The following PACRGL variants were observed in gnomAD, a reference collection of about 807,000 sequenced individuals.
PACRGL encodes parkin coregulated like.
Under a neutral mutation model 34.5 loss-of-function variants are expected in PACRGL, and 38 were observed. The observed-to-expected ratio is 1.10, with a 90% CI of 0.85 to 1.44. The LOEUF is 1.44. Ranked by LOEUF, PACRGL falls within the 40% of genes most tolerant of loss-of-function variation. The pLI, the probability that PACRGL is intolerant of heterozygous loss-of-function variation, is 0.00. For synonymous variants in PACRGL, 128 were observed against 100.1 expected (o/e 1.28, Z -1.66); for missense variants, 305 against 281.4 (o/e 1.08, Z -0.60).
chr4:20,707,986 G>A lies in PACRGL; in HGVS notation c.275+116G>A, dbSNP rs1015989597. 25 of 801,136 alleles carry A rather than the reference G, an allele frequency of 3.1e-5. No individual in the cohort carries two copies. The African/African-American group carries it at 4.2e-4, about 13-fold the overall frequency. The allele number at this position is 801,136 out of a possible 1,614,324, so 49.6% of individuals were successfully genotyped here. A position where few individuals can be genotyped will look rare whatever the true frequency, so the allele number is the denominator to read the frequency against. Reference sequence around the variant, plus strand: ...TATTTACTAGTGAGGTTGAAATAAAGATGACTTTATTCACACTTTCTTTTG... The same window carrying A: ...TATTTACTAGTGAGGTTGAAATAAAAATGACTTTATTCACACTTTCTTTTG... On this transcript the variant is annotated intron_variant, in intron 4 of 8. Coordinates refer to ENST00000503585, the MANE Select transcript of PACRGL (RefSeq NM_001258345.3).
rs1737968418 is a variant in PACRGL, at chr4:20,712,860, G to A, written c.439G>A (p.Gly147Ser). 1 of 1,605,578 alleles carries A rather than the reference G, an allele frequency of 6.2e-7. No homozygotes were observed. The highest frequency in any genetic ancestry group is 8.5e-7 in the Non-Finnish European group (1 of 1,174,870). Reference protein sequence around the residue: ...EGFRELLLVKGAPEKAIPLLP... With the variant: ...EGFRELLLVKSAPEKAIPLLP... ...TTTTAGAGAATTACTTTTGGTCAAA[G>A]GTGCTCCTGAAAAAGCTATTCCTTT... The change falls in exon 6 of 9, where the codon GGT (glycine) becomes AGT (serine). Residue 147 changes from glycine (G) to serine (S), a missense_variant. Physicochemically the swap from Gly to Ser is moderately conservative, Grantham distance 56. Transcript: ENST00000503585.
At chr4:20,733,640 G>A (rs1293183260), downstream of PACRGL, among the ~76,000 whole-genome samples, 3 of 152,102 alleles carry the variant, frequency 2.0e-5, no homozygotes, top group Non-Finnish European at 4.4e-5. Flanking sequence ...TAAACACAGA[G>A]GTAAGAATTG....
rs1306189845 is a variant in PACRGL, at chr4:20,728,379, A to ATGTT, written c.*1040_*1043dup. The ATGTT allele has an allele frequency of 1.3e-5, 2 of 151,514 alleles. No homozygotes were observed. Among genetic ancestry groups the ATGTT allele is most frequent in the African/African-American group, 2.4e-5 (1 of 41,114 alleles). The allele number at this position is 151,514 out of a possible 1,614,324, so 9.4% of individuals were successfully genotyped here. On this transcript the variant is annotated 3_prime_UTR_variant, in exon 9 of 9. Coordinates refer to ENST00000503585, the MANE Select transcript of PACRGL (RefSeq NM_001258345.3). ...TGCATTCATTGATTTTGTTGTGCTT[A>ATGTT]TGTTTAGCAATTTTTAAGAAGCTTT...
intron 7 of PACRGL, chr4:20,718,876 C>A (rs758271977): frequency 1.3e-5 from 2 of 152,206 alleles, no homozygotes; most frequent in Non-Finnish European, 1.5e-5. Flanking sequence ...CCCTCTTTTT[C>A]TATTGATTGG....
At position 20,732,142 on chromosome 4, in the gene PACRGL, A is replaced by G. The variant is rs1578411124; in HGVS notation, c.*4801A>G. ...CCTCACACCTGGACCAAATGAGCTG[A>G]AGCTGATAAAAAGAAAACCTAGCTG... On this transcript the variant is annotated 3_prime_UTR_variant, in exon 9 of 9. Coordinates refer to ENST00000503585, the MANE Select transcript of PACRGL (RefSeq NM_001258345.3). 4 of 1,009,166 alleles carry G rather than the reference A, an allele frequency of 4.0e-6. No individual in the cohort carries two copies. The highest frequency in any genetic ancestry group is 4.8e-5 in the East Asian group (2 of 41,318). The allele number at this position is 1,009,166 out of a possible 1,614,324, so 62.5% of individuals were successfully genotyped here. A position where few individuals can be genotyped will look rare whatever the true frequency, so the allele number is the denominator to read the frequency against.
At chr4:20,747,777 G>GT (rs1752680587) in intron 8 of PACRGL, among the ~76,000 whole-genome samples, 1 of 152,140 alleles carries the variant, frequency 6.6e-6, no homozygotes, top group Non-Finnish European at 1.5e-5. Flanking sequence ...TGGAGTATGT[G>GT]TGAGGAGGCT....
chr4:20,700,369 A>T (rs1220405711), upstream of PACRGL: 1 of 151,872 alleles, frequency 6.6e-6, no homozygotes, highest in Non-Finnish European at 1.5e-5. Context: ...CGCCTCCGCG[A>T]CCTCTTACCA....
chr4:20,724,914 C>T lies in PACRGL; in HGVS notation c.690+26C>T, dbSNP rs754812043. ...GTAAGTAGAATATTATTCCTTAAGT[C>T]TTTTTTTTTAACTTTTAGGTGTATT... On this transcript the variant is annotated intron_variant, in intron 8 of 8. Coordinates refer to ENST00000503585, the MANE Select transcript of PACRGL (RefSeq NM_001258345.3). 19 of 1,222,974 alleles carry T rather than the reference C, an allele frequency of 1.6e-5. No individual in the cohort carries two copies. The South Asian group carries it at 2.2e-4, about 14-fold the overall frequency. The allele number at this position is 1,222,974 out of a possible 1,614,324, so 75.8% of individuals were successfully genotyped here.
At chr4:20,759,320 G>A in the PACRGL span, among the ~76,000 whole-genome samples, 3 of 152,104 alleles carry the variant, frequency 2.0e-5, no homozygotes, top group Non-Finnish European at 4.4e-5. Context: ...TTACTCTATT[G>A]GCATCTCTAG....
downstream of PACRGL, among the ~76,000 whole-genome samples, chr4:20,755,696 A>G (rs1036457709): frequency 6.6e-6 from 1 of 152,200 alleles, no homozygotes; most frequent in African/African-American, 2.4e-5. Context: ...GTTGCAATTT[A>G]AGATAGAGTG....
chr4:20,763,005 A>G, the PACRGL span, among the ~76,000 whole-genome samples: 1 of 152,266 alleles, frequency 6.6e-6, no homozygotes, highest in East Asian at 1.9e-4. Flanking sequence ...TAAAACCATC[A>G]TAACTCATGA....
chr4:20,703,530 T>C (rs945880125), intron 1 of PACRGL, among the ~76,000 whole-genome samples: 11 of 147,246 alleles, frequency 7.5e-5, no homozygotes, highest in African/African-American at 2.9e-4. Context: ...GTGTATTTCT[T>C]GCTAGAGATA....
upstream of PACRGL, chr4:20,700,286 G>C (rs1214097662): frequency 6.6e-6 from 1 of 152,264 alleles, no homozygotes; most frequent in African/African-American, 2.4e-5. Context: ...TGTCGCCAGA[G>C]ACAGCGCCTG....
Position 20,700,506 on chromosome 4 carries a change from G to A in PACRGL, c.-298G>A, listed in dbSNP as rs1028159724. 6.6e-6 allele frequency: 1 copy of A among 152,180 alleles called. No homozygotes were observed. The highest frequency in any genetic ancestry group is 1.5e-5 in the Non-Finnish European group (1 of 68,072). The allele number at this position is 152,180 out of a possible 1,614,324, so 9.4% of individuals were successfully genotyped here. ...GTGGCGGTAGCCGCGGTTGTTGGCC[G>A]ACCGAGTGCCGGTCATAAGCCCCCC... On this transcript the variant is annotated 5_prime_UTR_variant, in exon 1 of 9. Coordinates refer to ENST00000503585, the MANE Select transcript of PACRGL (RefSeq NM_001258345.3).
At chr4:20,737,157 G>C (rs1417117063), downstream of PACRGL, among the ~76,000 whole-genome samples, 1 of 152,166 alleles carries the variant, frequency 6.6e-6, no homozygotes, top group Non-Finnish European at 1.5e-5. Context: ...AGAAAAACAA[G>C]ATTCCAGAGA....
rs548171843 is a variant in PACRGL, at chr4:20,713,540, G to C, written c.609+1G>C. On this transcript the variant is annotated splice_donor_variant, in intron 7 of 8. Transcript: ENST00000503585. LOFTEE classifies it high-confidence loss of function. Reference sequence around the variant, plus strand: ...CCATCTGAAGCATCTGCTTACAAGCGTAAGTACTGCAAAGATTAGATAATG... The same window carrying C: ...CCATCTGAAGCATCTGCTTACAAGCCTAAGTACTGCAAAGATTAGATAATG... 4 of 1,597,030 alleles carry C rather than the reference G, an allele frequency of 2.5e-6. No homozygotes were observed. The highest frequency in any genetic ancestry group is 3.4e-6 in the Non-Finnish European group (4 of 1,164,848).
At position 20,729,397 on chromosome 4, in the gene PACRGL, T is replaced by TGTAACATATTATGGAAA. The variant is rs1438305322; in HGVS notation, c.*2057_*2073dup. 1 of 152,390 alleles carries TGTAACATATTATGGAAA rather than the reference T, an allele frequency of 6.6e-6. No homozygotes were observed. Among genetic ancestry groups the TGTAACATATTATGGAAA allele is most frequent in the Non-Finnish European group, 1.5e-5 (1 of 67,966 alleles). The allele number at this position is 152,390 out of a possible 1,614,324, so 9.4% of individuals were successfully genotyped here. A position where few individuals can be genotyped will look rare whatever the true frequency, so the allele number is the denominator to read the frequency against. Reference sequence around the variant, plus strand: ...CCAAAATTATTATATAGGCCTTGGCTGTAACATATTATGGAAAATTAAATG... The same window carrying TGTAACATATTATGGAAA: ...CCAAAATTATTATATAGGCCTTGGCTGTAACATATTATGGAAAGTAACATATTATGGAAAATTAAATG... On this transcript the variant is annotated 3_prime_UTR_variant, in exon 9 of 9. Coordinates refer to ENST00000503585, the MANE Select transcript of PACRGL (RefSeq NM_001258345.3).
chr4:20,714,908 G>A (rs1286813224), intron 7 of PACRGL, among the ~76,000 whole-genome samples: 1 of 152,090 alleles, frequency 6.6e-6, no homozygotes, highest in Non-Finnish European at 1.5e-5. Flanking sequence ...ATTTGACCCA[G>A]CCATCCCATT....
chr4:20,751,098 A>G (rs1753535892), intron 8 of PACRGL, among the ~76,000 whole-genome samples: 1 of 152,164 alleles, frequency 6.6e-6, no homozygotes. Context: ...AAGGCTATAC[A>G]TTTCATGAGG....
Sources: gnomAD v4.1 joint callset for allele counts (sites outside exome capture counted in the v4.1 genomes callset) on GRCh38, gnomAD v4.1.1 for gene constraint, MANE v1.5 for transcripts, NCBI Gene and HGNC (gene_info 2026-07-23, HGNC 2026-07-21) for gene names.